The following SLC4A4 variants were observed in gnomAD, a reference collection of about 807,000 sequenced individuals.
SLC4A4 encodes electrogenic sodium bicarbonate cotransporter 1.
Under a neutral mutation model 111.5 loss-of-function variants are expected in SLC4A4, and 27 were observed. The observed-to-expected ratio is 0.24, with a 90% CI of 0.18 to 0.33. The LOEUF (loss-of-function observed/expected upper bound fraction) is 0.33. Ranked by LOEUF, SLC4A4 falls within the 10% of genes least tolerant of loss-of-function variation. The pLI is 1.00. For missense variants in SLC4A4, 909 were observed against 1,315.5 expected, an observed-to-expected ratio of 0.69 and a Z score of 4.78; for synonymous variants, 443 against 463.4, an observed-to-expected ratio of 0.96 and a Z score of 0.57.
At chr4:71,567,736 T>C in intron 25 of SLC4A4, 52 bp from the exon 26 acceptor site, 2 of 824,412 alleles carry the variant, frequency 2.4e-6, no homozygotes, top group South Asian at 3.3e-5. Context: ...ATTTGACAGA[T>C]GATGAAGGAA....
chr4:71,432,895 A>G (rs780581084), intron 7 of SLC4A4, among the ~76,000 whole-genome samples: 2 of 152,090 alleles, frequency 1.3e-5, no homozygotes, highest in African/African-American at 4.8e-5. Flanking sequence ...CATCTCCACA[A>G]CAATCCATTG....
intron 1 of SLC4A4, among the ~76,000 whole-genome samples, chr4:71,212,615 A>T (rs1484919307): frequency 6.6e-6 from 1 of 152,246 alleles, no homozygotes; most frequent in Non-Finnish European, 1.5e-5. Flanking sequence ...GGTTGAGACT[A>T]GATGAATGAG....
chr4:71,156,586 G>GCACACACA (rs1553957328), intron 2 of SLC4A4, among the ~76,000 whole-genome samples: 2 of 108,426 alleles, frequency 1.8e-5, no homozygotes, highest in South Asian at 4.6e-4. Flanking sequence ...GCGCGCGCGC[G>GCACACACA]CGCACACACA....
intron 18 of SLC4A4, among the ~76,000 whole-genome samples, chr4:71,538,785 C>T (rs764360994): frequency 1.3e-5 from 2 of 151,968 alleles, no homozygotes; most frequent in South Asian, 4.2e-4. Context: ...GATGTAGGAA[C>T]GCCAAGACAC....
chr4:71,181,482 G>A (rs1008274380), intron 2 of SLC4A4, among the ~76,000 whole-genome samples: 4 of 152,126 alleles, frequency 2.6e-5, no homozygotes, highest in African/African-American at 9.7e-5. Context: ...TCCTTCACGA[G>A]ATGCTTTATG....
chr4:71,308,975 A>G (rs1400900826), intron 3 of SLC4A4, among the ~76,000 whole-genome samples: 1 of 152,182 alleles, frequency 6.6e-6, no homozygotes, highest in Non-Finnish European at 1.5e-5. Flanking sequence ...GCTAAGAACC[A>G]CTGGCTTGAA....
chr4:71,081,827 A>C (rs1368032383), intron 1 of SLC4A4, among the ~76,000 whole-genome samples: 1 of 151,984 alleles, frequency 6.6e-6, no homozygotes, highest in Non-Finnish European at 1.5e-5. Flanking sequence ...TAAAAATAGA[A>C]TGTTTGTTTC....
chr4:71,418,331 T>A (rs112589160), intron 7 of SLC4A4, among the ~76,000 whole-genome samples: 3 of 152,198 alleles, frequency 2.0e-5, no homozygotes, highest in African/African-American at 7.2e-5. Flanking sequence ...TGAAGTAGTG[T>A]TTTTTGGAAA....
chr4:71,528,326 A>G (rs951414398), intron 16 of SLC4A4, among the ~76,000 whole-genome samples: 1 of 152,114 alleles, frequency 6.6e-6, no homozygotes, highest in African/African-American at 2.4e-5. Flanking sequence ...TGTATTAAAT[A>G]TGAGAGTTCA....
chr4:71,563,160 C>T (rs943876464), intron 23 of SLC4A4, among the ~76,000 whole-genome samples: 2 of 151,782 alleles, frequency 1.3e-5, no homozygotes, highest in African/African-American at 4.8e-5. Flanking sequence ...CTTATCTGAC[C>T]ATCATAGACA....
intron 4 of SLC4A4, among the ~76,000 whole-genome samples, chr4:71,347,653 A>G (rs972565699): frequency 6.6e-6 from 1 of 152,166 alleles, no homozygotes; most frequent in Non-Finnish European, 1.5e-5. Flanking sequence ...GACCATAGAG[A>G]GGATGATGGC....
rs80344586 is a variant in SLC4A4, at chr4:71,504,991, G to C, written c.2166+7299G>C. Among the ~76,000 whole-genome samples, 65 of 152,198 alleles carry C rather than the reference G, an allele frequency of 4.3e-4. 1 individual carries two copies. Among genetic ancestry groups the C allele is most frequent in the Non-Finnish European group, 6.2e-4 (42 of 68,010 alleles). On this transcript the variant is annotated intron_variant, in intron 16 of 25. Coordinates refer to ENST00000264485, the MANE Select transcript of SLC4A4 (RefSeq NM_001098484.3). ...GAGAACATGTGGTATTTGGTTTTCT[G>C]TTCCTGCATTAGTTTGCTAGGGATA...
chr4:71,549,762 A>G (rs1204568408), intron 20 of SLC4A4, among the ~76,000 whole-genome samples: 1 of 151,802 alleles, frequency 6.6e-6, no homozygotes, highest in African/African-American at 2.4e-5. Flanking sequence ...TATTTTTAGG[A>G]GAGATGCAAG....
intron 8 of SLC4A4, among the ~76,000 whole-genome samples, chr4:71,442,029 C>T (rs1374853696): frequency 2.6e-5 from 4 of 152,164 alleles, no homozygotes; most frequent in East Asian, 1.9e-4. Flanking sequence ...GCTCTGTGCC[C>T]CTATGGCTTT....
At chr4:71,370,673 G>A (rs112954259) in intron 6 of SLC4A4, among the ~76,000 whole-genome samples, 2,054 of 152,302 alleles carry the variant, frequency 0.013, 20 homozygotes, top group Middle Eastern at 0.024. Flanking sequence ...GTAGTGCTCA[G>A]CACTCAGTTA....
chr4:71,481,944 C>T (rs773988075), intron 14 of SLC4A4, among the ~76,000 whole-genome samples: 1 of 151,604 alleles, frequency 6.6e-6, no homozygotes, highest in Non-Finnish European at 1.5e-5. Context: ...GGTTTCTTTG[C>T]CTCATGAGCC....
At chr4:71,233,904 C>T (rs373753432) in intron 1 of SLC4A4, among the ~76,000 whole-genome samples, 16 of 152,108 alleles carry the variant, frequency 1.1e-4, no homozygotes, top group South Asian at 6.2e-4. Flanking sequence ...CATTGGCTCC[C>T]GTAACACCTA....
chr4:71,079,510 TA>T (rs1741932281), intron 1 of SLC4A4, among the ~76,000 whole-genome samples: 1 of 152,182 alleles, frequency 6.6e-6, no homozygotes. Flanking sequence ...GTGCAGTAGC[TA>T]ATGCCTATAA....
intron 18 of SLC4A4, among the ~76,000 whole-genome samples, chr4:71,540,287 A>G (rs1003579980): frequency 2.0e-5 from 3 of 152,142 alleles, no homozygotes; most frequent in African/African-American, 7.2e-5. Flanking sequence ...GTTATCAACT[A>G]TGTACCACAT....
Sources: gnomAD v4.1 joint callset for allele counts (sites outside exome capture counted in the v4.1 genomes callset) on GRCh38, gnomAD v4.1.1 for gene constraint, MANE v1.5 for transcripts, NCBI Gene and HGNC (gene_info 2026-07-23, HGNC 2026-07-21) for gene names.